Variants in KDM4C observed in about 807,000 individuals in gnomAD.
KDM4C encodes lysine-specific demethylase 4C.
A neutral mutation model predicts 129.3 loss-of-function variants in KDM4C; 81 were observed. The observed-to-expected ratio is 0.63, with a 90% CI of 0.52 to 0.75. The LOEUF is 0.75. Among genes scored for constraint, KDM4C ranks in the 30% least tolerant of loss-of-function variants. The probability of loss-of-function intolerance (pLI) is 0.00; values close to 1 mark genes in which losing one functional copy is unlikely to be tolerated. For synonymous variants in KDM4C, 573 were observed against 456.1 expected, an observed-to-expected ratio of 1.26 and a Z score of -3.26; for missense variants, 1,457 against 1,304.0, an observed-to-expected ratio of 1.12 and a Z score of -1.81.
chr9:7,013,434 G>T (rs541314005), intron 13 of KDM4C, among the ~76,000 whole-genome samples: 6 of 152,116 alleles, frequency 3.9e-5, no homozygotes, highest in African/African-American at 1.4e-4. Flanking sequence ...AGTGTAGCAA[G>T]GTATGATTCT....
chr9:7,052,764 C>T (rs1368922217), intron 17 of KDM4C, among the ~76,000 whole-genome samples: 1 of 152,014 alleles, frequency 6.6e-6, no homozygotes. Context: ...TGCATCTCTT[C>T]AGTACCCACG....
intron 18 of KDM4C, among the ~76,000 whole-genome samples, chr9:7,115,057 C>G (rs1838747249): frequency 6.6e-6 from 1 of 152,100 alleles, no homozygotes. Flanking sequence ...GCAATACAGC[C>G]TGGGTGACAG....
chr9:6,843,190 A>G (rs1837287442), intron 4 of KDM4C, among the ~76,000 whole-genome samples: 1 of 152,086 alleles, frequency 6.6e-6, no homozygotes, highest in Non-Finnish European at 1.5e-5. Context: ...CTGCCTCCCA[A>G]AGTGCTGGGA....
intron 6 of KDM4C, among the ~76,000 whole-genome samples, chr9:6,880,414 A>G (rs1473294982): frequency 1.3e-5 from 2 of 152,118 alleles, no homozygotes; most frequent in Non-Finnish European, 2.9e-5. Context: ...ATTAAGTTAC[A>G]TTCTTCCAGA....
At chr9:7,160,430 G>C (rs540567210) in intron 19 of KDM4C, among the ~76,000 whole-genome samples, 114 of 152,272 alleles carry the variant, frequency 7.5e-4, no homozygotes, top group African/African-American at 2.3e-3. Context: ...AGAATTTTCA[G>C]CTTTTCTGCT....
chr9:6,898,800 ATCTT>A lies in KDM4C; in HGVS notation c.921+5570_921+5573del, dbSNP rs1816877265. 2.0e-5 allele frequency among the ~76,000 whole-genome samples: 3 copies of A among 152,158 alleles called. No individual in the cohort carries two copies. The South Asian group carries it at 6.2e-4, about 31-fold the overall frequency. On this transcript the variant is annotated intron_variant, in intron 8 of 21. Coordinates refer to ENST00000381309, the MANE Select transcript of KDM4C (RefSeq NM_015061.6). ...AAATCTGGTAGCATCCTTCCAGAAA[ATCTT>A]TAATCTTGGGCAGTCTTTATTAAAA...
intron 5 of KDM4C, among the ~76,000 whole-genome samples, chr9:6,876,845 T>G (rs914202578): frequency 2.0e-5 from 3 of 152,152 alleles, no homozygotes; most frequent in African/African-American, 7.2e-5. Context: ...GCATTCTGAC[T>G]TGGGCCATTG....
intron 8 of KDM4C, among the ~76,000 whole-genome samples, chr9:6,977,773 C>T (rs2095384156): frequency 6.6e-6 from 1 of 152,106 alleles, no homozygotes; most frequent in Non-Finnish European, 1.5e-5. Context: ...CTGCTGTCAC[C>T]TCTCCTGTGA....
intron 8 of KDM4C, among the ~76,000 whole-genome samples, chr9:6,955,311 C>G (rs1367991385): frequency 6.6e-6 from 1 of 152,138 alleles, no homozygotes; most frequent in Non-Finnish European, 1.5e-5. Context: ...ATGAAATGCC[C>G]AATGCACAGT....
At chr9:6,857,146 A>C (rs1161336349) in intron 5 of KDM4C, among the ~76,000 whole-genome samples, 2 of 152,134 alleles carry the variant, frequency 1.3e-5, no homozygotes, top group Non-Finnish European at 2.9e-5. Context: ...GGCATGAGCC[A>C]CCATGCCTGG....
At chr9:6,811,547 A>C (rs1332965780) in intron 3 of KDM4C, among the ~76,000 whole-genome samples, 1 of 152,206 alleles carries the variant, frequency 6.6e-6, no homozygotes, top group African/African-American at 2.4e-5. Context: ...ATGTAGTCCA[A>C]AGAAAACCTA....
intron 19 of KDM4C, among the ~76,000 whole-genome samples, chr9:7,149,521 C>A (rs1378669261): frequency 6.6e-6 from 1 of 152,242 alleles, no homozygotes; most frequent in Non-Finnish European, 1.5e-5. Flanking sequence ...CACCTGTTCC[C>A]AGCCCCCATG....
intron 1 of KDM4C, among the ~76,000 whole-genome samples, chr9:6,737,019 C>G (rs1817546054): frequency 6.9e-6 from 1 of 145,342 alleles, no homozygotes; most frequent in Admixed American, 7.0e-5. Context: ...CCACTACATT[C>G]CAGACTGGGC....
intron 14 of KDM4C, among the ~76,000 whole-genome samples, chr9:7,014,982 A>C (rs974003614): frequency 6.6e-6 from 1 of 151,822 alleles, no homozygotes; most frequent in Non-Finnish European, 1.5e-5. Context: ...TACAATAGGT[A>C]AAGCACCAGG....
chr9:6,772,945 C>G (rs909149960), intron 1 of KDM4C, among the ~76,000 whole-genome samples: 2 of 151,924 alleles, frequency 1.3e-5, no homozygotes, highest in Non-Finnish European at 2.9e-5. Flanking sequence ...ATCCACCCAC[C>G]TCGGCCTCCC....
intron 4 of KDM4C, among the ~76,000 whole-genome samples, chr9:6,831,211 C>G (rs1282039370): frequency 6.6e-6 from 1 of 152,020 alleles, no homozygotes. Flanking sequence ...TAATAAAGAC[C>G]TCAGAATCAG....
chr9:6,898,047 G>T (rs114711151), intron 8 of KDM4C, among the ~76,000 whole-genome samples: 1,829 of 152,186 alleles, frequency 0.012, 31 homozygotes, highest in African/African-American at 0.042. Context: ...AGCGCCGGCC[G>T]GCAGGTTGTA....
In KDM4C at chr9:6,927,089, TTCTATCTATCTATCTATCTATCTA is replaced by T. The variant is rs34242647; in HGVS notation, c.921+33885_921+33908del. On this transcript the variant is annotated intron_variant, in intron 8 of 21. Coordinates refer to ENST00000381309, the MANE Select transcript of KDM4C (RefSeq NM_015061.6). ...AGATTCTATCCTTTCAAAAAAAATT[TTCTATCTATCTATCTATCTATCTA>T]TCTATCTATCTATCTATCTATCTAT... is the stretch of plus-strand genomic sequence containing the variant. 1.5e-3 allele frequency among the ~76,000 whole-genome samples: 211 copies of T among 145,200 alleles called. 1 individual carries two copies. Among genetic ancestry groups the T allele is most frequent in the African/African-American group, 4.0e-3 (157 of 38,804 alleles).
chr9:6,884,836 G>T (rs2130816424), intron 6 of KDM4C, among the ~76,000 whole-genome samples: 1 of 152,252 alleles, frequency 6.6e-6, no homozygotes, highest in African/African-American at 2.4e-5. Flanking sequence ...AAAAGATTGG[G>T]ATTTAAAAAT....
Sources: allele counts gnomAD v4.1 joint callset (sites outside exome capture counted in the v4.1 genomes callset), GRCh38; gene constraint gnomAD v4.1.1; transcripts MANE v1.5; gene names NCBI Gene and HGNC (gene_info 2026-07-23, HGNC 2026-07-21).